Variants in FAT3 observed in about 807,000 individuals in gnomAD.
FAT3 encodes protocadherin Fat 3.
Under a neutral mutation model 310.2 loss-of-function variants are expected in FAT3, and 95 were observed. The ratio of observed to expected loss-of-function variants is 0.31; its 90% CI spans 0.26 to 0.36. The LOEUF is 0.36. Among genes scored for constraint, FAT3 ranks in the 10% least tolerant of loss-of-function variants. FAT3 has a pLI of 1.00. For synonymous variants in FAT3, 2,314 were observed against 2,192.9 expected (o/e 1.06, Z -1.54); for missense variants, 5,408 against 5,715.6 (o/e 0.95, Z 1.74).
chr11:92,397,365 A>G (rs1949894157), intron 2 of FAT3, among the ~76,000 whole-genome samples: 1 of 152,204 alleles, frequency 6.6e-6, no homozygotes, highest in African/African-American at 2.4e-5. Flanking sequence ...CAGAATATTA[A>G]GCAATCTTCT....
chr11:92,574,658 G>A (rs1938374229), intron 3 of FAT3, among the ~76,000 whole-genome samples: 1 of 152,124 alleles, frequency 6.6e-6, no homozygotes, highest in South Asian at 2.1e-4. Context: ...TTACCTTAAT[G>A]GGTTTGAGGT....
chr11:92,776,381 G>A (rs1281394351), intron 7 of FAT3, among the ~76,000 whole-genome samples: 1 of 152,168 alleles, frequency 6.6e-6, no homozygotes, highest in Non-Finnish European at 1.5e-5. Flanking sequence ...TTTTACTTTA[G>A]AATTTTATTA....
At chr11:92,739,020 C>G (rs1201123917) in intron 4 of FAT3, among the ~76,000 whole-genome samples, 1 of 152,046 alleles carries the variant, frequency 6.6e-6, no homozygotes, top group Non-Finnish European at 1.5e-5. Flanking sequence ...AATAAATTAC[C>G]CTGGCAGCTG....
At chr11:92,454,426 G>A (rs141593371) in intron 2 of FAT3, among the ~76,000 whole-genome samples, 1 of 152,180 alleles carries the variant, frequency 6.6e-6, no homozygotes, top group African/African-American at 2.4e-5. Flanking sequence ...CTGGAATTAG[G>A]CCAGCCTCTG....
intron 2 of FAT3, among the ~76,000 whole-genome samples, chr11:92,494,883 TTAA>T (rs1952710171): frequency 6.6e-6 from 1 of 152,044 alleles, no homozygotes; most frequent in African/African-American, 2.4e-5. Flanking sequence ...TCCCAACACA[TTAA>T]TAACCCTAAT....
rs192069332 is a variant in FAT3 at position 92,872,904 on chromosome 11, T to C, written c.12127+5695T>C. ...AACAGAGCTCATCCTCACTCATAAT[T>C]AGAATCTCACATGATAACCTATCCA... On this transcript the variant is annotated intron_variant, in intron 22 of 27. Transcript: ENST00000525166. Among the ~76,000 whole-genome samples, 10 of 152,300 alleles carry C rather than the reference T, an allele frequency of 6.6e-5. No individual in the cohort carries two copies. The East Asian group carries it at 1.9e-3, about 29-fold the overall frequency.
At chr11:92,271,110 C>A (rs192138162) in intron 1 of FAT3, among the ~76,000 whole-genome samples, 66 of 152,238 alleles carry the variant, frequency 4.3e-4, no homozygotes, top group African/African-American at 1.3e-3. Flanking sequence ...ACTCTACAGT[C>A]CATTCTGCAT....
intron 4 of FAT3, among the ~76,000 whole-genome samples, chr11:92,736,189 T>G (rs1945340498): frequency 6.6e-6 from 1 of 152,164 alleles, no homozygotes; most frequent in African/African-American, 2.4e-5. Context: ...GCAACCAAAC[T>G]GTTGTGCTGA....
At chr11:92,752,318 G>A (rs905934096) in intron 4 of FAT3, among the ~76,000 whole-genome samples, 3 of 152,250 alleles carry the variant, frequency 2.0e-5, no homozygotes, top group Non-Finnish European at 2.9e-5. Context: ...TGCCACTTGA[G>A]AATAGTGTGA....
rs550388074 is a variant in FAT3, at chr11:92,801,570, C to T, written c.8557C>T (p.Leu2853Phe). The T allele has an allele frequency of 4.4e-6, 7 of 1,608,904 alleles. No individual in the cohort carries two copies. The South Asian group carries it at 5.5e-5, about 13-fold the overall frequency. Residue 2853 changes from leucine to phenylalanine, a missense_variant, in exon 10 of 28, where the codon CTC becomes TTC. This residue lies in a region of FAT3 where 4,588 missense variants were observed against 4,809.8 expected (regional missense o/e 0.95). Coordinates refer to ENST00000525166, the MANE Select transcript of FAT3 (RefSeq NM_001367949.2). ...AGCCAATGGACAAGTCACTTACTCC[C>T]TCCACTCGGATTCCCAGCCCGAAAA... ...WGANGQVTYS[L>F]HSDSQPEKVM...
chr11:92,799,729 T>A lies in FAT3; in HGVS notation c.6716T>A (p.Val2239Asp). ...TTTAACATTGACTTTGACACTGGGG[T>A]CCTGAAAGTTGTTAGCCCTTTGGAT... ...KQFNIDFDTG[V>D]LKVVSPLDYE... The change falls in exon 10 of 28, where the codon GTC (valine) becomes GAC (aspartate). Residue 2239 changes from valine to aspartate, a missense_variant. Coordinates refer to ENST00000525166, the MANE Select transcript of FAT3 (RefSeq NM_001367949.2). 4 of 1,612,836 alleles carry A rather than the reference T, an allele frequency of 2.5e-6. No homozygotes were observed. Among genetic ancestry groups the A allele is most frequent in the Non-Finnish European group, 3.4e-6 (4 of 1,179,376 alleles).
At chr11:92,757,017 C>T (rs1172394448) in intron 4 of FAT3, among the ~76,000 whole-genome samples, 2 of 150,916 alleles carry the variant, frequency 1.3e-5, no homozygotes, top group Admixed American at 6.6e-5. Flanking sequence ...CTCCGCCTCC[C>T]GGGTTCAAGC....
intron 1 of FAT3, among the ~76,000 whole-genome samples, chr11:92,347,027 A>G (rs1371871599): frequency 6.6e-6 from 1 of 152,200 alleles, no homozygotes; most frequent in Non-Finnish European, 1.5e-5. Context: ...TTTTCCATTT[A>G]TTAACTCAAA....
rs749432157 is a variant in FAT3, at chr11:92,800,667, G to A, written c.7654G>A (p.Val2552Ile). 4.3e-6 allele frequency: 7 copies of A among 1,613,794 alleles called. No homozygotes were observed. Among genetic ancestry groups the A allele is most frequent in the Non-Finnish European group, 5.9e-6 (7 of 1,179,826 alleles). ...DRFLIDSNGQVITTERLDREN... is the reference protein window; with the variant it reads ...DRFLIDSNGQIITTERLDREN... ...ATTCCTCATAGACAGCAATGGGCAG[G>A]TCATCACCACAGAAAGGCTAGACCG... Residue 2552 changes from valine (V) to isoleucine (I), a missense_variant, in exon 10 of 28, where the codon GTC becomes ATC. This residue lies in a region of FAT3 where 4,588 missense variants were observed against 4,809.8 expected (regional missense o/e 0.95). Coordinates refer to ENST00000525166, the MANE Select transcript of FAT3 (RefSeq NM_001367949.2).
chr11:92,555,014 A>G (rs936318865), intron 3 of FAT3, among the ~76,000 whole-genome samples: 2 of 152,078 alleles, frequency 1.3e-5, no homozygotes, highest in Non-Finnish European at 2.9e-5. Flanking sequence ...AAATACTACT[A>G]CAGAGCAATG....
intron 3 of FAT3, among the ~76,000 whole-genome samples, chr11:92,616,116 C>T (rs2135644505): frequency 6.6e-6 from 1 of 152,244 alleles, no homozygotes; most frequent in East Asian, 1.9e-4. Context: ...GAGTCTAAGT[C>T]TCTTTGTAGG....
chr11:92,670,607 G>T (rs910976776), intron 3 of FAT3, among the ~76,000 whole-genome samples: 1 of 152,300 alleles, frequency 6.6e-6, no homozygotes, highest in Admixed American at 6.5e-5. Flanking sequence ...GGGAATTGGG[G>T]CCAGACTTTT....
At chr11:92,471,388 T>A (rs1951898321) in intron 2 of FAT3, among the ~76,000 whole-genome samples, 1 of 151,916 alleles carries the variant, frequency 6.6e-6, no homozygotes, top group Non-Finnish European at 1.5e-5. Context: ...AACAGAAAAA[T>A]GGCAAATGTC....
At chr11:92,245,879 G>A (rs990044188) in intron 1 of FAT3, among the ~76,000 whole-genome samples, 2 of 152,112 alleles carry the variant, frequency 1.3e-5, no homozygotes, top group African/African-American at 4.8e-5. Context: ...CAGAGGAAAA[G>A]GAATCAGAGA....
Sources: gnomAD v4.1 joint callset for allele counts (sites outside exome capture counted in the v4.1 genomes callset) on GRCh38, gnomAD v4.1.1 for gene constraint, gnomAD v4.1.1 regional missense constraint, MANE v1.5 for transcripts, NCBI Gene and HGNC (gene_info 2026-07-23, HGNC 2026-07-21) for gene names.